GRIA4: variants seen among roughly 807,000 people sequenced by gnomAD.
GRIA4 encodes the protein glutamate ionotropic receptor AMPA type subunit 4.
Under a neutral mutation model 104.0 loss-of-function variants are expected in GRIA4, and 34 were observed. The observed-to-expected ratio is 0.33, with a 90% CI of 0.25 to 0.44. The LOEUF is 0.44. Ranked by LOEUF, GRIA4 falls within the 20% of genes least tolerant of loss-of-function variation. GRIA4 has a pLI of 1.00. For missense variants in GRIA4, 750 were observed against 1,096.5 expected, an observed-to-expected ratio of 0.68 and a Z score of 4.46; for synonymous variants, 386 against 381.9, an observed-to-expected ratio of 1.01 and a Z score of -0.13.
chr11:105,849,180 C>A (rs184920430), intron 4 of GRIA4, among the ~76,000 whole-genome samples: 1 of 152,146 alleles, frequency 6.6e-6, no homozygotes, highest in African/African-American at 2.4e-5. Flanking sequence ...AGACAGAGTG[C>A]TAGACTCCAT....
chr11:105,908,871 A>C (rs1947135021), intron 9 of GRIA4, among the ~76,000 whole-genome samples: 1 of 152,104 alleles, frequency 6.6e-6, no homozygotes, highest in Non-Finnish European at 1.5e-5. Flanking sequence ...ATTTTAATGG[A>C]GTGCTAAACT....
rs972727216 is a variant in GRIA4, at chr11:105,613,852, CTT to C, written c.247+1419_247+1420del. 4.6e-5 allele frequency: 7 copies of C among 152,000 alleles called. No homozygotes were observed. In the South Asian group the frequency reaches 6.2e-4, roughly 13 times the overall value. The allele number at this position is 152,000 out of a possible 1,614,324, so 9.4% of individuals were successfully genotyped here. A position where few individuals can be genotyped will look rare whatever the true frequency, so the allele number is the denominator to read the frequency against. On this transcript the variant is annotated intron_variant, in intron 3 of 16. Coordinates refer to ENST00000282499, the MANE Select transcript of GRIA4 (RefSeq NM_000829.4). ...GTTACTACTTAATTTTTAAAAATCT[CTT>C]GACATATTTGGTGATAAAATCAATA...
intron 3 of GRIA4, among the ~76,000 whole-genome samples, chr11:105,667,658 T>C (rs1449233935): frequency 6.6e-6 from 1 of 151,954 alleles, no homozygotes; most frequent in Non-Finnish European, 1.5e-5. Context: ...GTCCCTCTCA[T>C]TTATCTATTC....
At chr11:105,931,467 G>T (rs1947871358) in intron 13 of GRIA4, among the ~76,000 whole-genome samples, 1 of 152,040 alleles carries the variant, frequency 6.6e-6, no homozygotes, top group South Asian at 2.1e-4. Flanking sequence ...ACTTTGGGAG[G>T]CCGAGGCGGT....
intron 3 of GRIA4, among the ~76,000 whole-genome samples, chr11:105,726,760 C>T (rs1361774044): frequency 1.3e-5 from 2 of 152,070 alleles, no homozygotes; most frequent in African/African-American, 4.8e-5. Context: ...AATGGACCCC[C>T]AGCAATCTCC....
intron 2 of GRIA4, 109 bp downstream of exon 2, chr11:105,611,194 T>C (rs78093474): frequency 0.085 from 65,350 of 765,566 alleles, 3,676 homozygotes; most frequent in Non-Finnish European, 0.11. Flanking sequence ...AGCAGTTCCC[T>C]TCCCCTCTGT....
At chr11:105,780,928 C>A (rs920168130) in intron 4 of GRIA4, among the ~76,000 whole-genome samples, 1 of 152,050 alleles carries the variant, frequency 6.6e-6, no homozygotes, top group African/African-American at 2.4e-5. Flanking sequence ...TGTGTCATGC[C>A]TTTCTTTCAC....
chr11:105,735,816 G>C (rs1165321240), intron 3 of GRIA4, among the ~76,000 whole-genome samples: 3 of 152,072 alleles, frequency 2.0e-5, no homozygotes, highest in Non-Finnish European at 4.4e-5. Flanking sequence ...GCACTAGAAG[G>C]ATACACACTT....
At chr11:105,945,511 G>C in intron 14 of GRIA4, 1 of 939,606 alleles carries the variant, frequency 1.1e-6, no homozygotes, top group Non-Finnish European at 1.3e-6. Flanking sequence ...GGTAAGAGGG[G>C]AGTTTTCTTT....
chr11:105,620,127 T>C (rs1389151905), intron 3 of GRIA4, among the ~76,000 whole-genome samples: 1 of 151,924 alleles, frequency 6.6e-6, no homozygotes, highest in Non-Finnish European at 1.5e-5. Context: ...TTCTTGAAGG[T>C]CATCAGTGAC....
chr11:105,616,927 T>A (rs996690698), intron 3 of GRIA4, among the ~76,000 whole-genome samples: 10 of 151,570 alleles, frequency 6.6e-5, no homozygotes, highest in Non-Finnish European at 1.0e-4. Context: ...ATGAGTCATA[T>A]TCTTATAGTT....
At chr11:105,800,245 AGT>A (rs1942663491) in intron 4 of GRIA4, among the ~76,000 whole-genome samples, 5 of 152,182 alleles carry the variant, frequency 3.3e-5, no homozygotes, top group Admixed American at 3.3e-4. Flanking sequence ...TAAACATGAG[AGT>A]GAGTGACTAC....
chr11:105,714,815 G>T (rs912427521), intron 3 of GRIA4, among the ~76,000 whole-genome samples: 1 of 151,976 alleles, frequency 6.6e-6, no homozygotes, highest in African/African-American at 2.4e-5. Flanking sequence ...GAGTGTGTGT[G>T]TGTGTTCGTG....
chr11:105,618,367 A>C (rs1469664878), intron 3 of GRIA4, among the ~76,000 whole-genome samples: 1 of 152,064 alleles, frequency 6.6e-6, no homozygotes, highest in East Asian at 1.9e-4. Context: ...TGAGTCTTAA[A>C]GTAATACGAT....
At chr11:105,744,360 G>T (rs183110410) in intron 3 of GRIA4, among the ~76,000 whole-genome samples, 1 of 152,260 alleles carries the variant, frequency 6.6e-6, no homozygotes, top group African/African-American at 2.4e-5. Context: ...TAAAGAAGGA[G>T]AAAACACTAA....
chr11:105,829,094 T>TAC (rs146841671), intron 4 of GRIA4, among the ~76,000 whole-genome samples: 2 of 151,026 alleles, frequency 1.3e-5, no homozygotes, highest in African/African-American at 2.4e-5. Context: ...CAGTGATGTA[T>TAC]ACACACACAC....
chr11:105,817,623 G>A (rs1395180179), intron 4 of GRIA4, among the ~76,000 whole-genome samples: 2 of 151,676 alleles, frequency 1.3e-5, no homozygotes, highest in African/African-American at 2.4e-5. Flanking sequence ...TAAATGATAG[G>A]ATAAATTCCA....
intron 4 of GRIA4, among the ~76,000 whole-genome samples, chr11:105,753,740 C>T (rs903910147): frequency 6.6e-6 from 1 of 152,142 alleles, no homozygotes; most frequent in African/African-American, 2.4e-5. Flanking sequence ...GACCCTTCTC[C>T]TTGGGTTCAA....
chr11:105,835,686 T>C (rs967989001), intron 4 of GRIA4, among the ~76,000 whole-genome samples: 1 of 152,084 alleles, frequency 6.6e-6, no homozygotes, highest in Non-Finnish European at 1.5e-5. Context: ...TTAAACTACA[T>C]TATTTTTCAT....
Sources: gnomAD v4.1 joint callset for allele counts (sites outside exome capture counted in the v4.1 genomes callset) on GRCh38, gnomAD v4.1.1 for gene constraint, MANE v1.5 for transcripts, NCBI Gene and HGNC (gene_info 2026-07-23, HGNC 2026-07-21) for gene names.